The following SSX2IP variants were observed in gnomAD, a reference collection of about 807,000 sequenced individuals.
SSX2IP encodes the protein afadin- and alpha-actinin-binding protein.
SSX2IP carries 55 observed loss-of-function variants against 84.9 expected under a neutral mutation model. That is an observed-to-expected ratio of 0.65 (90% confidence interval 0.52 to 0.81). The LOEUF (loss-of-function observed/expected upper bound fraction) is 0.81. SSX2IP is among the 30% of genes least tolerant of loss of function. The pLI, the probability that SSX2IP is intolerant of heterozygous loss-of-function variation, is 0.00. For missense variants in SSX2IP, 664 were observed against 705.2 expected, an observed-to-expected ratio of 0.94 and a Z score of 0.66; for synonymous variants, 239 against 234.7, an observed-to-expected ratio of 1.02 and a Z score of -0.17.
intron 1 of SSX2IP, 124 bp downstream of exon 1, chr1:84,690,247 G>A (rs1353161030): frequency 6.6e-6 from 1 of 151,676 alleles, no homozygotes; most frequent in Admixed American, 6.6e-5. Flanking sequence ...GCCGAACAAC[G>A]GGGCGCTGAG....
At chr1:84,657,567 A>G (rs1651297529) in intron 9 of SSX2IP, among the ~76,000 whole-genome samples, 1 of 152,144 alleles carries the variant, frequency 6.6e-6, no homozygotes, top group African/African-American at 2.4e-5. Context: ...AGTCAGTAAA[A>G]GAGACTCAGT....
intron 8 of SSX2IP, among the ~76,000 whole-genome samples, chr1:84,660,232 T>C (rs1038544502): frequency 2.0e-5 from 3 of 152,172 alleles, no homozygotes; most frequent in Non-Finnish European, 2.9e-5. Context: ...TAAGAGGTCA[T>C]TGTTCATCCA....
Position 84,655,918 on chromosome 1 carries a change from C to G in SSX2IP, c.1303G>C (p.Glu435Gln), listed in dbSNP as rs148787622. The G allele has an allele frequency of 1.4e-5, 22 of 1,613,850 alleles. No homozygotes were observed. Among genetic ancestry groups the G allele is most frequent in the Non-Finnish European group, 2.5e-6 (3 of 1,179,964 alleles). ...LLEEKERLKE[E>Q]WSLFKEQKKN... ...TTCTGCTCTTTAAAAAGGGACCATTCTTCTTTGAGACGTTCCTTTTCTTCC... is the reference window on the plus strand; with the variant it reads ...TTCTGCTCTTTAAAAAGGGACCATTGTTCTTTGAGACGTTCCTTTTCTTCC... The change falls in exon 11 of 14, where the codon GAA (glutamate) becomes CAA (glutamine). Residue 435 changes from glutamate (E) to glutamine (Q), a missense_variant. Transcript: ENST00000342203.
intron 1 of SSX2IP, among the ~76,000 whole-genome samples, chr1:84,676,590 C>G: frequency 6.6e-6 from 1 of 152,056 alleles, no homozygotes; most frequent in East Asian, 1.9e-4. Context: ...CAAGTGTTTT[C>G]TCTTTTGCTT....
chr1:84,658,679 C>T (rs1415885925), intron 8 of SSX2IP, among the ~76,000 whole-genome samples: 1 of 152,130 alleles, frequency 6.6e-6, no homozygotes, highest in Non-Finnish European at 1.5e-5. Flanking sequence ...AATTTGAATC[C>T]AAATACAGTT....
chr1:84,658,797 C>T (rs150049053), intron 8 of SSX2IP, among the ~76,000 whole-genome samples: 3 of 152,134 alleles, frequency 2.0e-5, no homozygotes, highest in African/African-American at 7.2e-5. Context: ...GTGGGAAAAC[C>T]GAGGTTTAGA....
intron 1 of SSX2IP, 143 bp downstream of exon 1, chr1:84,690,228 G>C (rs1418241936): frequency 1.3e-5 from 2 of 152,148 alleles, no homozygotes; most frequent in South Asian, 2.1e-4. Flanking sequence ...CAGCCGCGCG[G>C]AGCCTCCCGC....
chr1:84,689,009 G>A (rs1656198149), intron 1 of SSX2IP, among the ~76,000 whole-genome samples: 1 of 152,190 alleles, frequency 6.6e-6, no homozygotes, highest in Non-Finnish European at 1.5e-5. Context: ...ACAGCAGGCA[G>A]AACAGAGTGT....
At chr1:84,659,344 T>A (rs1301748056) in intron 8 of SSX2IP, among the ~76,000 whole-genome samples, 1 of 152,106 alleles carries the variant, frequency 6.6e-6, no homozygotes, top group Non-Finnish European at 1.5e-5. Context: ...GAGGTCAGGG[T>A]CTCTGAGGCG....
intron 1 of SSX2IP, among the ~76,000 whole-genome samples, chr1:84,677,570 C>A (rs1024774616): frequency 1.2e-4 from 19 of 152,090 alleles, no homozygotes; most frequent in Admixed American, 1.2e-3. Flanking sequence ...GATTTATTGA[C>A]TAGCTTCCAA....
In SSX2IP at chr1:84,647,004, AAACAT is replaced by A. The variant is rs1253179905; in HGVS notation, c.*424_*428del. On this transcript the variant is annotated 3_prime_UTR_variant, in exon 14 of 14. Transcript: ENST00000342203. ...GAAAGAGGTAATTTCAAACCACACT[AAACAT>A]AATAAATATAGAACTCGCTTTGTTA... The A allele has an allele frequency of 6.5e-6, 1 of 152,996 alleles. No homozygotes were observed. Among genetic ancestry groups the A allele is most frequent in the Non-Finnish European group, 1.5e-5 (1 of 68,334 alleles). The allele number at this position is 152,996 out of a possible 1,614,324, so 9.5% of individuals were successfully genotyped here.
intron 11 of SSX2IP, chr1:84,655,415 T>C (rs978481962): frequency 2.7e-5 from 35 of 1,288,316 alleles, no homozygotes; most frequent in African/African-American, 4.6e-5. Context: ...AGCGTATATA[T>C]AACAATGATG....
At chr1:84,655,359 G>A in intron 11 of SSX2IP, 1 of 1,127,846 alleles carries the variant, frequency 8.9e-7, no homozygotes, top group Non-Finnish European at 1.1e-6. Context: ...TTTTGAAGGG[G>A]GAATATGTAG....
At chr1:84,676,441 T>C (rs1185050263) in intron 1 of SSX2IP, among the ~76,000 whole-genome samples, 2 of 152,342 alleles carry the variant, frequency 1.3e-5, no homozygotes, top group Non-Finnish European at 2.9e-5. Flanking sequence ...TTTTTAAGTA[T>C]TAGTACACTG....
chr1:84,671,031 T>C lies in SSX2IP; in HGVS notation c.43+146A>G, dbSNP rs1034883651. On this transcript the variant is annotated intron_variant, in intron 2 of 13. Coordinates refer to ENST00000342203, the MANE Select transcript of SSX2IP (RefSeq NM_001166293.2). ...AAAAGATACAAATACAGTGGTGTTC[T>C]CAGTAGACATGAAAATAAGTATTTT... The C allele has an allele frequency of 8.6e-6, 9 of 1,048,810 alleles. No homozygotes were observed. The Admixed American group carries it at 1.2e-4, about 14-fold the overall frequency. 65.0% of individuals were successfully genotyped at this position (1,048,810 alleles called of 1,614,324 possible).
chr1:84,655,893 T>C lies in SSX2IP; in HGVS notation c.1328A>G (p.Lys443Arg). ...KEEWSLFKEQ[K>R]KNFERERRSF... is the part of the protein sequence containing the mutation. ...TCGTCTCTCCCTCTCAAAATTCTTT[T>C]TCTGCTCTTTAAAAAGGGACCATTC... The change falls in exon 11 of 14, where the codon AAA becomes AGA. Residue 443 changes from lysine to arginine, a missense_variant. Transcript: ENST00000342203. 1 of 1,614,066 alleles carries C rather than the reference T, an allele frequency of 6.2e-7. No homozygotes were observed. The highest frequency in any genetic ancestry group is 8.5e-7 in the Non-Finnish European group (1 of 1,179,948).
At chr1:84,672,598 C>A (rs1653742831) in intron 1 of SSX2IP, among the ~76,000 whole-genome samples, 1 of 152,126 alleles carries the variant, frequency 6.6e-6, no homozygotes, top group Non-Finnish European at 1.5e-5. Context: ...GTAAGTTATA[C>A]CTCAAACAAC....
At chr1:84,657,881 C>G (rs892272028) in intron 9 of SSX2IP, among the ~76,000 whole-genome samples, 4 of 152,252 alleles carry the variant, frequency 2.6e-5, no homozygotes, top group Non-Finnish European at 5.9e-5. Flanking sequence ...ACGTGTAATC[C>G]AGACACTCTG....
intron 6 of SSX2IP, among the ~76,000 whole-genome samples, chr1:84,664,050 T>G (rs552744495): frequency 6.6e-6 from 1 of 152,182 alleles, no homozygotes; most frequent in African/African-American, 2.4e-5. Context: ...TTTGGTCTGA[T>G]GAAAAATTTT....
Sources: allele counts gnomAD v4.1 joint callset (sites outside exome capture counted in the v4.1 genomes callset), GRCh38; gene constraint gnomAD v4.1.1; transcripts MANE v1.5; gene names NCBI Gene and HGNC (gene_info 2026-07-23, HGNC 2026-07-21).